Variants in SH3RF2 observed in about 807,000 individuals in gnomAD.
SH3RF2 encodes E3 ubiquitin-protein ligase SH3RF2.
SH3RF2 carries 43 observed loss-of-function variants against 59.0 expected under a neutral mutation model. That is an observed-to-expected ratio of 0.73 (90% CI 0.57 to 0.94). The LOEUF is 0.94. Among genes scored for constraint, SH3RF2 ranks in the 40% least tolerant of loss-of-function variants. The pLI is 0.00. For synonymous variants in SH3RF2, 391 were observed against 391.5 expected, an observed-to-expected ratio of 1.00 and a Z score of 0.01; for missense variants, 930 against 940.1, an observed-to-expected ratio of 0.99 and a Z score of 0.14.
chr5:145,975,912 T>A (rs2149965351), intron 2 of SH3RF2, among the ~76,000 whole-genome samples: 1 of 152,284 alleles, frequency 6.6e-6, no homozygotes, highest in East Asian at 1.9e-4. Context: ...GATAGTACAT[T>A]AAGACATGGT....
rs1038303931 is a variant in SH3RF2 at position 146,055,370 on chromosome 5, A to G, written c.1323-611A>G. 5.9e-5 allele frequency among the ~76,000 whole-genome samples: 9 copies of G among 152,210 alleles called. No individual in the cohort carries two copies. The South Asian group carries it at 1.7e-3, about 28-fold the overall frequency. On this transcript the variant is annotated intron_variant, in intron 7 of 9. Transcript: ENST00000359120. Reference sequence around the variant, plus strand: ...CTAAGAGTACCTAGCTTAGAGGACTATTGTAAAGAACCCATGAGAAAATAT... The same window carrying G: ...CTAAGAGTACCTAGCTTAGAGGACTGTTGTAAAGAACCCATGAGAAAATAT...
At chr5:145,997,600 T>G in intron 2 of SH3RF2, 1 of 1,603,140 alleles carries the variant, frequency 6.2e-7, no homozygotes, top group South Asian at 1.1e-5. Flanking sequence ...AGAAAAGGTT[T>G]TAAGTTTAAG....
chr5:146,075,317 C>A (rs544263628), intron 9 of SH3RF2, among the ~76,000 whole-genome samples: 2 of 152,258 alleles, frequency 1.3e-5, no homozygotes, highest in East Asian at 3.9e-4. Context: ...TTACTTATAT[C>A]AAACATCGAC....
chr5:145,989,699 G>A (rs1449566873), intron 2 of SH3RF2, among the ~76,000 whole-genome samples: 2 of 152,206 alleles, frequency 1.3e-5, no homozygotes, highest in Non-Finnish European at 2.9e-5. Flanking sequence ...GATGCGAGGA[G>A]TAGAGAGAAC....
At chr5:146,066,353 C>T (rs532139120), downstream of SH3RF2, among the ~76,000 whole-genome samples, 1 of 152,332 alleles carries the variant, frequency 6.6e-6, no homozygotes, top group Non-Finnish European at 1.5e-5. Context: ...CTTAATCTCT[C>T]AGAGCCTCGT....
At chr5:146,073,373 ACAC>A (rs1763275263) in intron 9 of SH3RF2, among the ~76,000 whole-genome samples, 2 of 152,334 alleles carry the variant, frequency 1.3e-5, no homozygotes, top group East Asian at 3.9e-4. Context: ...CCCAAGGTTG[ACAC>A]AGTTTATGAA....
chr5:146,033,024 G>T (rs1490428813), intron 5 of SH3RF2, among the ~76,000 whole-genome samples: 1 of 152,172 alleles, frequency 6.6e-6, no homozygotes, highest in East Asian at 1.9e-4. Context: ...ACATCATGTA[G>T]GTTCGAATCC....
chr5:146,021,336 A>T (rs748399604), intron 5 of SH3RF2, among the ~76,000 whole-genome samples: 2 of 152,200 alleles, frequency 1.3e-5, no homozygotes, highest in African/African-American at 4.8e-5. Context: ...TCTTATGATG[A>T]TATCTCCCAA....
intron 2 of SH3RF2, among the ~76,000 whole-genome samples, chr5:145,990,794 T>C (rs1231121773): frequency 6.6e-6 from 1 of 151,350 alleles, no homozygotes; most frequent in Non-Finnish European, 1.5e-5. Context: ...ATGACCTGAC[T>C]GTGAGATCTC....
At chr5:145,986,049 C>A (rs1759692954) in intron 2 of SH3RF2, among the ~76,000 whole-genome samples, 1 of 135,196 alleles carries the variant, frequency 7.4e-6, no homozygotes, top group South Asian at 2.5e-4. Context: ...AAATAAATGT[C>A]TGTTATCGTT....
At chr5:145,995,758 C>A (rs1215863278) in intron 2 of SH3RF2, among the ~76,000 whole-genome samples, 1 of 152,102 alleles carries the variant, frequency 6.6e-6, no homozygotes, top group African/African-American at 2.4e-5. Context: ...AGTCATCTAA[C>A]ATTTTCCCTA....
At chr5:146,048,953 G>A (rs1762396188) in intron 6 of SH3RF2, 122 bp from the exon 7 acceptor site, 11 of 1,175,990 alleles carry the variant, frequency 9.4e-6, no homozygotes, top group South Asian at 2.9e-5. Flanking sequence ...CACCGCACCC[G>A]CTCGACCAAG....
intron 2 of SH3RF2, among the ~76,000 whole-genome samples, chr5:145,954,812 T>A (rs919414739): frequency 6.6e-6 from 1 of 152,006 alleles, no homozygotes. Flanking sequence ...CTTACAATCA[T>A]GGCAGAAGGC....
chr5:145,980,716 G>GGT (rs1384098721), intron 2 of SH3RF2, among the ~76,000 whole-genome samples: 2 of 152,090 alleles, frequency 1.3e-5, no homozygotes, highest in Non-Finnish European at 2.9e-5. Flanking sequence ...ATTCAAGGAA[G>GGT]GTGCCTTTTT....
Position 146,000,152 on chromosome 5 carries a change from T to A in SH3RF2, c.473T>A (p.Leu158His), listed in dbSNP as rs1561733210. Residue 158 changes from leucine to histidine, a missense_variant, in exon 3 of 10, where the codon CTT becomes CAT. Leu to His is a moderately conservative substitution (Grantham distance 99). Transcript: ENST00000359120. ...KGDIILLRRQ[L>H]DENWYQGEIN... ...GATATCATCCTTCTCCGGAGACAGC[T>A]TGATGAGAATTGGTACCAGGGGGAA... The A allele has an allele frequency of 1.2e-6, 2 of 1,613,958 alleles. No individual in the cohort carries two copies. The highest frequency in any genetic ancestry group is 2.2e-5 in the South Asian group (2 of 91,028).
In SH3RF2 at chr5:145,978,936, C is replaced by G. The variant is rs373790702; in HGVS notation, c.379-21122C>G. 4.5e-4 allele frequency among the ~76,000 whole-genome samples: 69 copies of G among 152,142 alleles called. 1 individual carries two copies. The South Asian group carries it at 0.014, about 31-fold the overall frequency. ...ATATCTGCCAGAGCTAAATGGGGGC[C>G]AACTGGAGAAACAGGCACCAAGATT... On this transcript the variant is annotated intron_variant, in intron 2 of 9. Coordinates refer to ENST00000359120, the MANE Select transcript of SH3RF2 (RefSeq NM_152550.4).
At chr5:146,049,671 C>T (rs1029412638) in intron 7 of SH3RF2, among the ~76,000 whole-genome samples, 2 of 152,036 alleles carry the variant, frequency 1.3e-5, no homozygotes, top group African/African-American at 4.8e-5. Flanking sequence ...CAGAGCACCT[C>T]GGGAAACTTC....
At chr5:146,000,364 C>A in intron 3 of SH3RF2, 37 bp downstream of exon 3, 1 of 1,592,494 alleles carries the variant, frequency 6.3e-7, no homozygotes, top group Admixed American at 1.9e-5. Flanking sequence ...CACCTGGGAC[C>A]ACGTAGAGAC....
intron 2 of SH3RF2, among the ~76,000 whole-genome samples, chr5:145,994,747 A>C (rs187153031): frequency 1.3e-5 from 2 of 152,266 alleles, no homozygotes; most frequent in East Asian, 1.9e-4. Context: ...AAACCATATC[A>C]TTTTCTGATC....
Sources: allele counts gnomAD v4.1 joint callset (sites outside exome capture counted in the v4.1 genomes callset), GRCh38; gene constraint gnomAD v4.1.1; transcripts MANE v1.5; gene names NCBI Gene and HGNC (gene_info 2026-07-23, HGNC 2026-07-21).